Variants in ATP2B2 observed in about 807,000 individuals in gnomAD.
ATP2B2 encodes the protein ATPase plasma membrane Ca2+ transporting 2.
ATP2B2 carries 15 observed loss-of-function variants against 120.0 expected under a neutral mutation model. The observed-to-expected ratio is 0.12, with a 90% CI of 0.08 to 0.19. The LOEUF is 0.19. Ranked by LOEUF, ATP2B2 falls within the 10% of genes least tolerant of loss-of-function variation. The pLI is 1.00. For synonymous variants in ATP2B2, 694 were observed against 700.3 expected, an observed-to-expected ratio of 0.99 and a Z score of 0.14; for missense variants, 1,045 against 1,719.8, an observed-to-expected ratio of 0.61 and a Z score of 6.94.
rs374648809 is a variant in ATP2B2 at position 10,564,974 on chromosome 3, T to C, written c.-414-30841A>G. Among the ~76,000 whole-genome samples the C allele has an allele frequency of 9.9e-5, 15 of 152,278 alleles. No individual in the cohort carries two copies. In the East Asian group the frequency reaches 1.7e-3, roughly 18 times the overall value. The stretch of plus-strand genomic sequence containing the variant: ...GTGTAGCCATGTGACTAAATCCTCA[T>C]CTGAATGGAAGATGAGTAGAAATAA... On this transcript the variant is annotated intron_variant, in intron 2 of 21. Coordinates refer to the ATP2B2 transcript ENST00000646379.
rs569146974 is a variant in ATP2B2 at position 10,328,756 on chromosome 3, G to A, written c.*58C>T. 70 of 1,532,154 alleles carry A rather than the reference G, an allele frequency of 4.6e-5. No individual in the cohort carries two copies. Among genetic ancestry groups the A allele is most frequent in the East Asian group, 6.9e-5 (3 of 43,672 alleles). 94.9% of individuals were successfully genotyped at this position (1,532,154 alleles called of 1,614,324 possible). The stretch of plus-strand genomic sequence containing the variant: ...TGGGTGCCTGGATGGATGGGTGCCC[G>A]GAAAGCGGGTGGCAGCGGGGTCCAT... On this transcript the variant is annotated 3_prime_UTR_variant, in exon 23 of 23. Coordinates refer to ENST00000360273, the MANE Select transcript of ATP2B2 (RefSeq NM_001001331.4).
intron 1 of ATP2B2, among the ~76,000 whole-genome samples, chr3:10,627,464 G>C (rs367659472): frequency 1.0e-3 from 157 of 152,324 alleles, no homozygotes; most frequent in African/African-American, 3.6e-3. Flanking sequence ...GCAGGAGGGA[G>C]AGGCTCCTGG....
In ATP2B2 at chr3:10,375,051, A is replaced by AT. The variant is rs759200620; in HGVS notation, c.1416+378dup. Among the ~76,000 whole-genome samples, 105 of 152,214 alleles carry AT rather than the reference A, an allele frequency of 6.9e-4. No individual in the cohort carries two copies. The highest frequency in any genetic ancestry group is 1.0e-3 in the Non-Finnish European group (68 of 68,018). The stretch of plus-strand genomic sequence containing the variant: ...TGGCTTGCACGGTGATGTCTTTATT[A>AT]TTTTTTTAAAATTTTTGAGTTGATT... On this transcript the variant is annotated intron_variant, in intron 11 of 22. Coordinates refer to ENST00000360273, the MANE Select transcript of ATP2B2 (RefSeq NM_001001331.4). The surrounding 1 kb of genome is among the most constrained non-coding windows in gnomAD (Gnocchi z 4.2).
chr3:10,614,161 T>C (rs1274555669), intron 2 of ATP2B2, among the ~76,000 whole-genome samples: 1 of 152,102 alleles, frequency 6.6e-6, no homozygotes, highest in African/African-American at 2.4e-5. Flanking sequence ...TTGATTATTG[T>C]CCATCTCCCT....
At chr3:10,507,185 A>G (rs7652789), upstream of ATP2B2, among the ~76,000 whole-genome samples, 14,047 of 152,226 alleles carry the variant, frequency 0.092, 2,124 homozygotes, top group African/African-American at 0.32. Flanking sequence ...GAGGCCAGGC[A>G]AGGCTCCCTG....
intron 1 of ATP2B2, among the ~76,000 whole-genome samples, chr3:10,504,413 G>C (rs1243993946): frequency 6.6e-6 from 1 of 152,168 alleles, no homozygotes; most frequent in African/African-American, 2.4e-5. Context: ...CTGGGCTCAG[G>C]GCATGCAGCG....
intron 2 of ATP2B2, chr3:10,570,157 C>T (rs2068091833): frequency 6.6e-6 from 1 of 152,220 alleles, no homozygotes. Context: ...CTCTAGCGTC[C>T]TTCACTGTGC....
chr3:10,405,599 G>A (rs1374233803), intron 3 of ATP2B2, among the ~76,000 whole-genome samples: 2 of 152,156 alleles, frequency 1.3e-5, no homozygotes, highest in Non-Finnish European at 2.9e-5. Context: ...CCCTTGGACT[G>A]GGGCAGGGAC....
At chr3:10,387,929 G>C in intron 6 of ATP2B2, 2 of 350,266 alleles carry the variant, frequency 5.7e-6, no homozygotes, top group Non-Finnish European at 1.1e-5. Context: ...AATGGGTGGG[G>C]ATTTCTACTC....
chr3:10,671,106 G>C (rs2071083622), intron 1 of ATP2B2, among the ~76,000 whole-genome samples: 1 of 152,222 alleles, frequency 6.6e-6, no homozygotes, highest in South Asian at 2.1e-4. Flanking sequence ...GGGGCAGCAG[G>C]CATGATCAGC....
chr3:10,589,437 C>T (rs1026617395), intron 2 of ATP2B2, among the ~76,000 whole-genome samples: 2 of 152,212 alleles, frequency 1.3e-5, no homozygotes, highest in Non-Finnish European at 2.9e-5. Context: ...TGCTGAGAAG[C>T]GTGTTAGAAC....
At chr3:10,585,830 G>T (rs1255068229) in intron 2 of ATP2B2, among the ~76,000 whole-genome samples, 1 of 152,018 alleles carries the variant, frequency 6.6e-6, no homozygotes, top group African/African-American at 2.4e-5. Context: ...ACACTGTTTG[G>T]TAGTGCCCTC....
At chr3:10,345,715 C>A (rs1018966757) in intron 17 of ATP2B2, 140 bp from the exon 18 acceptor site, 3 of 819,450 alleles carry the variant, frequency 3.7e-6, no homozygotes, top group Admixed American at 2.4e-5. Flanking sequence ...CACAGGGACA[C>A]CCCACTCTTC....
At chr3:10,487,202 A>G (rs1489800598) in intron 1 of ATP2B2, among the ~76,000 whole-genome samples, 7 of 152,014 alleles carry the variant, frequency 4.6e-5, no homozygotes, top group African/African-American at 2.4e-5. Context: ...TTTCCTTTAC[A>G]CATTCCTAGC....
intron 5 of ATP2B2, among the ~76,000 whole-genome samples, chr3:10,389,809 GC>G (rs1310817579): frequency 4.6e-5 from 7 of 152,080 alleles, no homozygotes; most frequent in Non-Finnish European, 7.4e-5. Flanking sequence ...GGAAAAAAAA[GC>G]CCCCTGAAGC....
At chr3:10,633,714 A>G (rs996590613) in intron 1 of ATP2B2, among the ~76,000 whole-genome samples, 1 of 152,228 alleles carries the variant, frequency 6.6e-6, no homozygotes, top group Non-Finnish European at 1.5e-5. Flanking sequence ...ACTTTCTGAA[A>G]TAATAGCTCT....
At chr3:10,471,364 C>CTGTGTGTGTGTGTG (rs58583936) in intron 1 of ATP2B2, among the ~76,000 whole-genome samples, 31 of 150,460 alleles carry the variant, frequency 2.1e-4, no homozygotes, top group Non-Finnish European at 3.6e-4. Context: ...TTCAGGAAAC[C>CTGTGTGTGTGTGTG]TGTGTGTGTG....
intron 7 of ATP2B2, among the ~76,000 whole-genome samples, chr3:10,385,715 A>T (rs559595950): frequency 1.3e-5 from 2 of 152,198 alleles, no homozygotes; most frequent in African/African-American, 4.8e-5. Flanking sequence ...AAAAATATTC[A>T]CTAGGCAGTG....
At chr3:10,703,876 C>T (rs75194586) in intron 1 of ATP2B2, among the ~76,000 whole-genome samples, 7,699 of 152,278 alleles carry the variant, frequency 0.051, 553 homozygotes, top group African/African-American at 0.16. Flanking sequence ...AACCCCTGCC[C>T]ACTGGGCCAC....
Sources: gnomAD v4.1 joint callset for allele counts (sites outside exome capture counted in the v4.1 genomes callset) on GRCh38, gnomAD v4.1.1 for gene constraint, Gnocchi (gnomAD v3.1) non-coding constraint, MANE v1.5 for transcripts, NCBI Gene and HGNC (gene_info 2026-07-23, HGNC 2026-07-21) for gene names.